Variants in LRRTM4 observed in about 807,000 individuals in gnomAD.
LRRTM4 encodes the protein leucine-rich repeat transmembrane neuronal protein 4.
A neutral mutation model predicts 47.6 loss-of-function variants in LRRTM4; 25 were observed. The ratio of observed to expected loss-of-function variants is 0.53; its 90% CI spans 0.38 to 0.73. The LOEUF (loss-of-function observed/expected upper bound fraction) is 0.73, where lower values mean the gene tolerates loss of function less well. Among genes scored for constraint, LRRTM4 ranks in the 30% least tolerant of loss-of-function variants. LRRTM4 has a pLI of 0.00. For missense variants in LRRTM4, 638 were observed against 713.4 expected (o/e 0.89, Z 1.20); for synonymous variants, 311 against 269.5 (o/e 1.15, Z -1.51).
rs140673852 is a variant in LRRTM4 at position 77,300,075 on chromosome 2, C to A, written c.1551+218243G>T. Among the ~76,000 whole-genome samples, 182 of 152,168 alleles carry A rather than the reference C, an allele frequency of 1.2e-3. 1 individual carries two copies. The highest frequency in any genetic ancestry group is 4.1e-3 in the African/African-American group (171 of 41,524). On this transcript the variant is annotated intron_variant, in intron 3 of 3. Transcript: ENST00000409884. Reference sequence around the variant, plus strand: ...CCATGTTGGCCAGGATGGTCTCGATCTCTTGACCTCGTGATGTACCTGCCT... The same window carrying A: ...CCATGTTGGCCAGGATGGTCTCGATATCTTGACCTCGTGATGTACCTGCCT...
chr2:76,833,506 A>C (rs1368668313), intron 3 of LRRTM4, among the ~76,000 whole-genome samples: 1 of 152,182 alleles, frequency 6.6e-6, no homozygotes, highest in Non-Finnish European at 1.5e-5. Context: ...TTTAAAAACC[A>C]GTAGAAAATT....
At chr2:77,018,259 C>CTTTTTTTTTTTTTTTTTTTTGTTTTTT (rs59294966) in intron 3 of LRRTM4, among the ~76,000 whole-genome samples, 2 of 75,036 alleles carry the variant, frequency 2.7e-5, no homozygotes, top group African/African-American at 5.2e-5. Context: ...CTCTTGATTG[C>CTTTTTTTTTTTTTTTTTTTTGTTTTTT]TTTTTTTTTT....
chr2:76,887,904 T>A (rs1031689799), intron 3 of LRRTM4, among the ~76,000 whole-genome samples: 1 of 151,038 alleles, frequency 6.6e-6, no homozygotes, highest in Non-Finnish European at 1.5e-5. Flanking sequence ...CAAGTGAAAG[T>A]CCTACTATTT....
intron 3 of LRRTM4, among the ~76,000 whole-genome samples, chr2:76,814,040 T>C (rs1670825973): frequency 6.6e-6 from 1 of 152,142 alleles, no homozygotes; most frequent in South Asian, 2.1e-4. Context: ...CAGACTTTCC[T>C]TACTTTTGAT....
chr2:77,289,987 A>G (rs1676774819), intron 3 of LRRTM4, among the ~76,000 whole-genome samples: 1 of 151,508 alleles, frequency 6.6e-6, no homozygotes, highest in Admixed American at 6.6e-5. Flanking sequence ...TAGGAAGGAT[A>G]TTACTTCTTC....
rs557065732 is a variant in LRRTM4, at chr2:77,159,177, G to A, written c.1551+359141C>T. Reference sequence around the variant, plus strand: ...ACACTTCACCAACAGGTGATTTAGCGGTGCTAACTCCAATGTATTCAAAAA... The same window carrying A: ...ACACTTCACCAACAGGTGATTTAGCAGTGCTAACTCCAATGTATTCAAAAA... On this transcript the variant is annotated intron_variant, in intron 3 of 3. Transcript: ENST00000409884. Among the ~76,000 whole-genome samples, 16 of 143,194 alleles carry A rather than the reference G, an allele frequency of 1.1e-4. No homozygotes were observed. In the East Asian group the frequency reaches 1.6e-3, roughly 14 times the overall value. 93.9% of individuals were successfully genotyped at this position (143,194 alleles called of 152,430 possible).
intron 3 of LRRTM4, among the ~76,000 whole-genome samples, chr2:77,296,094 T>C (rs1676965751): frequency 6.6e-6 from 1 of 152,214 alleles, no homozygotes; most frequent in African/African-American, 2.4e-5. Flanking sequence ...CTGACAGATA[T>C]ATTAGATTAA....
chr2:76,932,992 T>C (rs1420837560), intron 3 of LRRTM4, among the ~76,000 whole-genome samples: 3 of 152,146 alleles, frequency 2.0e-5, no homozygotes, highest in Non-Finnish European at 4.4e-5. Flanking sequence ...TTTCACACAG[T>C]TGGTTGAAGT....
rs139638180 is a variant in LRRTM4 at position 76,784,617 on chromosome 2, A to T, written c.1552-35701T>A. Among the ~76,000 whole-genome samples, 8 of 152,176 alleles carry T rather than the reference A, an allele frequency of 5.3e-5. No individual in the cohort carries two copies. The East Asian group carries it at 1.5e-3, about 29-fold the overall frequency. ...ATGTAATTTCACTTAAGTTGTATTTACTATGGGGCACCACTGATTTTGAAA... is the reference window on the plus strand; with the variant it reads ...ATGTAATTTCACTTAAGTTGTATTTTCTATGGGGCACCACTGATTTTGAAA... On this transcript the variant is annotated intron_variant, in intron 3 of 3. Coordinates refer to ENST00000409884, the MANE Select transcript of LRRTM4 (RefSeq NM_001134745.3).
At chr2:77,399,982 T>C (rs1436391715) in intron 3 of LRRTM4, among the ~76,000 whole-genome samples, 1 of 151,852 alleles carries the variant, frequency 6.6e-6, no homozygotes, top group African/African-American at 2.4e-5. Context: ...ATGGCTAATT[T>C]ATGAAATGGC....
At position 76,869,970 on chromosome 2, in the gene LRRTM4, C is replaced by G. The variant is rs956685281; in HGVS notation, c.1552-121054G>C. Among the ~76,000 whole-genome samples, 7 of 152,024 alleles carry G rather than the reference C, an allele frequency of 4.6e-5. No homozygotes were observed. The South Asian group carries it at 8.3e-4, about 18-fold the overall frequency. On this transcript the variant is annotated intron_variant, in intron 3 of 3. Transcript: ENST00000409884. ...AAGTCATTTAGGACAGTAAGTGAGA[C>G]ACTACAACATAAACATAAAGGAAAG...
At position 76,781,832 on chromosome 2, in the gene LRRTM4, G is replaced by A. The variant is rs189484213; in HGVS notation, c.1552-32916C>T. Reference sequence around the variant, plus strand: ...TCCTGAAGAGGACACTTTTTTATCTGCATTAAAAATCTATTCAGGTAAATA... The same window carrying A: ...TCCTGAAGAGGACACTTTTTTATCTACATTAAAAATCTATTCAGGTAAATA... On this transcript the variant is annotated intron_variant, in intron 3 of 3. Transcript: ENST00000409884. Among the ~76,000 whole-genome samples the A allele has an allele frequency of 3.0e-3, 451 of 152,070 alleles. 2 individuals carry two copies. Among genetic ancestry groups the A allele is most frequent in the African/African-American group, 1.0e-2 (414 of 41,452 alleles).
At chr2:77,163,501 A>G (rs2103814702) in intron 3 of LRRTM4, among the ~76,000 whole-genome samples, 1 of 152,302 alleles carries the variant, frequency 6.6e-6, no homozygotes, top group African/African-American at 2.4e-5. Flanking sequence ...CCTCGAGAAG[A>G]GCAACTCCAA....
At chr2:77,301,233 T>C (rs1324965700) in intron 3 of LRRTM4, among the ~76,000 whole-genome samples, 2 of 152,132 alleles carry the variant, frequency 1.3e-5, no homozygotes, top group African/African-American at 4.8e-5. Flanking sequence ...TAGATAATTT[T>C]GTGCTTCAAA....
At chr2:77,240,355 A>G (rs1230998992) in intron 3 of LRRTM4, among the ~76,000 whole-genome samples, 1 of 151,986 alleles carries the variant, frequency 6.6e-6, no homozygotes, top group East Asian at 1.9e-4. Flanking sequence ...TTAAACATCA[A>G]TTCATTACAG....
intron 3 of LRRTM4, among the ~76,000 whole-genome samples, chr2:76,822,459 T>C (rs1671079832): frequency 1.3e-5 from 2 of 151,306 alleles, no homozygotes; most frequent in Non-Finnish European, 3.0e-5. Flanking sequence ...AAAAAACTAG[T>C]AATGTTAATG....
At chr2:77,465,743 TC>T (rs763613893) in intron 3 of LRRTM4, among the ~76,000 whole-genome samples, 4 of 152,198 alleles carry the variant, frequency 2.6e-5, no homozygotes, top group Non-Finnish European at 4.4e-5. Flanking sequence ...CTATCAGTGG[TC>T]CCAGAAAGCA....
chr2:77,460,134 T>C (rs1676730499), intron 3 of LRRTM4, among the ~76,000 whole-genome samples: 1 of 152,126 alleles, frequency 6.6e-6, no homozygotes. Context: ...CCTAAATATC[T>C]GGATAGTTGC....
chr2:76,836,261 A>AT (rs1671510354), intron 3 of LRRTM4, among the ~76,000 whole-genome samples: 1 of 151,836 alleles, frequency 6.6e-6, no homozygotes, highest in African/African-American at 2.4e-5. Flanking sequence ...CCAATCACAT[A>AT]TTTTTTTCTG....
Sources: gnomAD v4.1 joint callset for allele counts (sites outside exome capture counted in the v4.1 genomes callset) on GRCh38, gnomAD v4.1.1 for gene constraint, MANE v1.5 for transcripts, NCBI Gene and HGNC (gene_info 2026-07-23, HGNC 2026-07-21) for gene names.